The following GALNT12 variants were observed in gnomAD, a reference collection of about 807,000 sequenced individuals.
The protein encoded by GALNT12 is polypeptide N-acetylgalactosaminyltransferase 12, also known as UDP-GalNAc:polypeptide N-acetylgalactosaminyltransferase 12.
Under a neutral mutation model 55.5 loss-of-function variants are expected in GALNT12, and 45 were observed. The ratio of observed to expected loss-of-function variants is 0.81; its 90% CI spans 0.64 to 1.04. The LOEUF (loss-of-function observed/expected upper bound fraction) is 1.04, where lower values mean the gene tolerates loss of function less well. Ranked by LOEUF, GALNT12 falls within the 50% of genes least tolerant of loss-of-function variation. The pLI is 0.00. For missense variants in GALNT12, 709 were observed against 754.8 expected, an observed-to-expected ratio of 0.94 and a Z score of 0.71; for synonymous variants, 304 against 312.2, an observed-to-expected ratio of 0.97 and a Z score of 0.28.
chr9:98,818,313 C>A (rs2118322860), intron 1 of GALNT12, among the ~76,000 whole-genome samples: 1 of 152,256 alleles, frequency 6.6e-6, no homozygotes, highest in African/African-American at 2.4e-5. Context: ...ACCTCCGCCC[C>A]CCGGGTTCAA....
At chr9:98,840,276 T>G (rs1836257075) in intron 7 of GALNT12, 143 bp downstream of exon 7, 1 of 884,922 alleles carries the variant, frequency 1.1e-6, no homozygotes, top group Admixed American at 2.1e-5. Flanking sequence ...CCCACCACCT[T>G]TTTATCCACT....
chr9:98,823,925 T>C (rs1016622025), intron 2 of GALNT12, among the ~76,000 whole-genome samples: 5 of 152,210 alleles, frequency 3.3e-5, no homozygotes, highest in African/African-American at 1.2e-4. Flanking sequence ...TGGCTGGGAC[T>C]GGCAGTGCCA....
Position 98,834,776 on chromosome 9 carries a change from C to T in GALNT12, c.918-473C>T, listed in dbSNP as rs1836092731. Among the ~76,000 whole-genome samples, 3 of 152,340 alleles carry T rather than the reference C, an allele frequency of 2.0e-5. No homozygotes were observed. The South Asian group carries it at 6.2e-4, about 32-fold the overall frequency. ...CATGGCCTGGAGCCTGCCTTCTTCT[C>T]GGAACGTGGTCTCTTGCTTCTCTCT... On this transcript the variant is annotated intron_variant, in intron 4 of 9. Transcript: ENST00000375011.
At position 98,807,769 on chromosome 9, in the gene GALNT12, TC is replaced by T; in HGVS notation, c.73del (p.Leu25TrpfsTer118). 1 of 1,167,454 alleles carries T rather than the reference TC, an allele frequency of 8.6e-7. No individual in the cohort carries two copies. The highest frequency in any genetic ancestry group is 5.3e-5 in the East Asian group (1 of 18,760). 72.3% of individuals were successfully genotyped at this position (1,167,454 alleles called of 1,614,324 possible). On this transcript the variant is annotated frameshift_variant, in exon 1 of 10. Transcript: ENST00000375011. LOFTEE classifies it high-confidence loss of function. ...CGCGGCCGGGAGGCGCTGTTGGTGC[TC>T]CTGGCGCTACTGGCGTTGGCCGGGC... ...LRRGREALLV[L>X]LALLALAGLG...
chr9:98,827,887 G>T (rs867844284), intron 3 of GALNT12, among the ~76,000 whole-genome samples: 1 of 152,042 alleles, frequency 6.6e-6, no homozygotes, highest in Non-Finnish European at 1.5e-5. Context: ...CTGTTCCACG[G>T]CATCTCACTC....
intron 1 of GALNT12, among the ~76,000 whole-genome samples, chr9:98,809,060 G>C (rs1160537607): frequency 6.6e-6 from 1 of 152,196 alleles, no homozygotes; most frequent in Non-Finnish European, 1.5e-5. Flanking sequence ...GGAAAGGATA[G>C]GTGACCCACC....
intron 9 of GALNT12, among the ~76,000 whole-genome samples, chr9:98,847,776 G>C (rs1292998463): frequency 6.7e-6 from 1 of 149,150 alleles, no homozygotes; most frequent in East Asian, 2.0e-4. Flanking sequence ...ATATTCACTA[G>C]ACCATAATAG....
intron 2 of GALNT12, among the ~76,000 whole-genome samples, chr9:98,826,289 A>G (rs1835854802): frequency 6.6e-6 from 1 of 152,164 alleles, no homozygotes; most frequent in South Asian, 2.1e-4. Context: ...TTTAGCTGCT[A>G]TTATTATTGT....
At chr9:98,826,986 G>T in intron 3 of GALNT12, 45 bp downstream of exon 3, 1 of 1,530,072 alleles carries the variant, frequency 6.5e-7, no homozygotes. Flanking sequence ...GTTACCTGGA[G>T]TAGGTAGCAT....
chr9:98,817,077 C>T (rs926106423), intron 1 of GALNT12, among the ~76,000 whole-genome samples: 6 of 152,142 alleles, frequency 3.9e-5, no homozygotes, highest in Non-Finnish European at 5.9e-5. Flanking sequence ...TCACCCGCCT[C>T]GGCCTCCCGA....
In GALNT12 at chr9:98,846,081, C is replaced by T. The variant is rs143860974; in HGVS notation, c.1563C>T (p.Cys521=). 71 of 1,614,046 alleles carry T rather than the reference C, an allele frequency of 4.4e-5. No homozygotes were observed. The highest frequency in any genetic ancestry group is 9.3e-5 in the African/African-American group (7 of 74,912). The change falls in exon 9 of 10, where the codon TGC becomes TGT. Residue 521 remains cysteine (C), a synonymous_variant. Transcript: ENST00000375011. ...AGMDTLIMHL[C]EETAPENQKF... ...TGGATACCCTTATCATGCATCTCTGCGAAGAAACTGCCCCAGAGAATCAGA... is the reference window on the plus strand; with the variant it reads ...TGGATACCCTTATCATGCATCTCTGTGAAGAAACTGCCCCAGAGAATCAGA...
At chr9:98,808,993 C>T (rs968344928) in intron 1 of GALNT12, among the ~76,000 whole-genome samples, 10 of 152,238 alleles carry the variant, frequency 6.6e-5, no homozygotes, top group Non-Finnish European at 1.3e-4. Flanking sequence ...GCACCAGGCA[C>T]CTGCCACTCC....
intron 5 of GALNT12, 39 bp from the exon 6 acceptor site, chr9:98,836,933 C>T (rs1723270158): frequency 6.2e-7 from 1 of 1,611,312 alleles, no homozygotes; most frequent in Non-Finnish European, 8.5e-7. Flanking sequence ...CAGCTCATCC[C>T]CTGCTCACCA....
chr9:98,809,902 T>A (rs1835458374), intron 1 of GALNT12, among the ~76,000 whole-genome samples: 1 of 152,206 alleles, frequency 6.6e-6, no homozygotes. Context: ...TGCTTGTAGA[T>A]CCTGCTGTTG....
At position 98,826,844 on chromosome 9, in the gene GALNT12, C is replaced by G. The variant is rs371040665; in HGVS notation, c.634C>G (p.Arg212Gly). The change falls in exon 3 of 10, where the codon CGG (arginine) becomes GGG (glycine). Residue 212 changes from arginine (R) to glycine (G), a missense_variant. Physicochemically the swap from Arg to Gly is moderately radical, Grantham distance 125. Transcript: ENST00000375011. ...CAAGAGAGAGGGCCTGGTGCGAGCC[C>G]GGCTGCTGGGGGCGTCTGCGGCGAG... Reference protein sequence around the residue: ...ANKREGLVRARLLGASAARGD... With the variant: ...ANKREGLVRAGLLGASAARGD... The G allele has an allele frequency of 6.2e-7, 1 of 1,609,720 alleles. No individual in the cohort carries two copies. Among genetic ancestry groups the G allele is most frequent in the South Asian group, 1.1e-5 (1 of 90,094 alleles).
rs201140510 is a variant in GALNT12, at chr9:98,835,267, T to A, written c.936T>A (p.Gly312=). ...TTTTTAGGTCTCCAACAATGGCTGGTGGGCTGTTTGCTGTGAGTAAGAAAT... is the reference window on the plus strand; with the variant it reads ...TTTTTAGGTCTCCAACAATGGCTGGAGGGCTGTTTGCTGTGAGTAAGAAAT... The part of the protein sequence containing the change: ...VDVIRSPTMA[G]GLFAVSKKYF... Residue 312 remains glycine, a synonymous_variant, in exon 5 of 10, where the codon GGT becomes GGA. Transcript: ENST00000375011. 21 of 1,613,088 alleles carry A rather than the reference T, an allele frequency of 1.3e-5. No homozygotes were observed. The South Asian group carries it at 2.2e-4, about 17-fold the overall frequency.
intron 1 of GALNT12, among the ~76,000 whole-genome samples, chr9:98,811,713 T>G (rs1227325936): frequency 6.6e-6 from 1 of 150,824 alleles, no homozygotes; most frequent in African/African-American, 2.4e-5. Context: ...GATGGAGTCT[T>G]GCTATGTTGC....
At chr9:98,847,858 G>C (rs917028002) in intron 9 of GALNT12, among the ~76,000 whole-genome samples, 2 of 147,718 alleles carry the variant, frequency 1.4e-5, no homozygotes, top group Non-Finnish European at 3.0e-5. Flanking sequence ...CTCCACCAAG[G>C]CTGGAGTGCA....
chr9:98,843,269 A>G (rs149362342), intron 7 of GALNT12, among the ~76,000 whole-genome samples: 1 of 152,240 alleles, frequency 6.6e-6, no homozygotes, highest in Non-Finnish European at 1.5e-5. Context: ...AAGATAATTA[A>G]TACAGTACTA....
Sources: gnomAD v4.1 joint callset for allele counts (sites outside exome capture counted in the v4.1 genomes callset) on GRCh38, gnomAD v4.1.1 for gene constraint, MANE v1.5 for transcripts, NCBI Gene and HGNC (gene_info 2026-07-23, HGNC 2026-07-21) for gene names.